DAB1: variants seen among roughly 807,000 people sequenced by gnomAD.
DAB1 encodes DAB adaptor protein 1, also known as disabled homolog 1.
In DAB1, 15 loss-of-function variants were observed where a neutral mutation model predicts 64.6. The observed-to-expected ratio is 0.23, with a 90% CI of 0.16 to 0.36. The LOEUF is 0.36. DAB1 is among the 10% of genes least tolerant of loss of function. The pLI, the probability that DAB1 is intolerant of heterozygous loss-of-function variation, is 1.00. For synonymous variants in DAB1, 235 were observed against 251.9 expected (o/e 0.93, Z 0.64); for missense variants, 596 against 706.7 (o/e 0.84, Z 1.78).
At chr1:57,913,884 A>G (rs1644686322) in intron 5 of DAB1, among the ~76,000 whole-genome samples, 1 of 152,184 alleles carries the variant, frequency 6.6e-6, no homozygotes, top group African/African-American at 2.4e-5. Flanking sequence ...GCAAATCAAA[A>G]CCACATTGAG....
intron 1 of DAB1, among the ~76,000 whole-genome samples, chr1:57,311,606 T>C (rs1674713898): frequency 6.6e-6 from 1 of 152,080 alleles, no homozygotes; most frequent in Admixed American, 6.6e-5. Flanking sequence ...GGAGCATGTG[T>C]TTATGGCCCT....
chr1:58,444,668 A>AT (rs34284219), intron 3 of DAB1, among the ~76,000 whole-genome samples: 2 of 152,222 alleles, frequency 1.3e-5, no homozygotes, highest in Non-Finnish European at 2.9e-5. Flanking sequence ...TTGCACTCAC[A>AT]TTTCATTGGT....
At chr1:58,238,150 T>C (rs1276361092) in intron 4 of DAB1, among the ~76,000 whole-genome samples, 1 of 152,124 alleles carries the variant, frequency 6.6e-6, no homozygotes, top group Admixed American at 6.5e-5. Context: ...TAAACCATGC[T>C]CTCAGGAAGC....
intron 2 of DAB1, among the ~76,000 whole-genome samples, chr1:57,224,762 G>T (rs1388664422): frequency 6.6e-6 from 1 of 152,202 alleles, no homozygotes; most frequent in African/African-American, 2.4e-5. Flanking sequence ...GAGTGTCTTT[G>T]TTACGCTAAT....
intron 2 of DAB1, among the ~76,000 whole-genome samples, chr1:57,269,023 G>C (rs1670789960): frequency 6.6e-6 from 1 of 152,104 alleles, no homozygotes; most frequent in Non-Finnish European, 1.5e-5. Flanking sequence ...GGTGGCTGGG[G>C]CTGTGGTGGA....
chr1:57,716,243 C>G (rs533144123), intron 6 of DAB1, among the ~76,000 whole-genome samples: 6 of 152,186 alleles, frequency 3.9e-5, no homozygotes, highest in African/African-American at 1.4e-4. Flanking sequence ...ATAAAAAGAA[C>G]CTTAAAATTC....
intron 2 of DAB1, among the ~76,000 whole-genome samples, chr1:57,224,275 G>C (rs1045167569): frequency 6.6e-6 from 1 of 152,084 alleles, no homozygotes; most frequent in East Asian, 1.9e-4. Context: ...GCCATGATTT[G>C]AGCCCTTAAT....
At chr1:57,795,861 G>T (rs58810049) in intron 6 of DAB1, among the ~76,000 whole-genome samples, 120 of 151,104 alleles carry the variant, frequency 7.9e-4, no homozygotes, top group African/African-American at 2.8e-3. Context: ...TTAGCCCTCA[G>T]TTTTTTAGTC....
chr1:58,372,942 T>G (rs1412479538), intron 3 of DAB1, among the ~76,000 whole-genome samples: 1 of 151,988 alleles, frequency 6.6e-6, no homozygotes, highest in East Asian at 1.9e-4. Flanking sequence ...TTGGGTAGCA[T>G]CTCTATAGCA....
intron 9 of DAB1, among the ~76,000 whole-genome samples, chr1:57,048,083 A>G (rs74077326): frequency 0.054 from 8,167 of 152,298 alleles, 267 homozygotes; most frequent in African/African-American, 0.093. Flanking sequence ...TAAGGTAGTT[A>G]CCACAGTCAT....
chr1:57,972,787 A>G lies in DAB1; in HGVS notation n.388-88625T>C, dbSNP rs866205303. Among the ~76,000 whole-genome samples, 95 of 152,326 alleles carry G rather than the reference A, an allele frequency of 6.2e-4. 1 individual carries two copies. The highest frequency in any genetic ancestry group is 3.9e-3 in the Admixed American group (60 of 15,286). On this transcript the variant is annotated intron_variant and non_coding_transcript_variant, in intron 5 of 20. Transcript: ENST00000485760. ...ATCTCTTGATATAAGGACATAGGAA[A>G]GGTGTTCTTTGTGTGGGCCACACAG...
chr1:58,528,948 A>T (rs1318877572), intron 1 of DAB1, among the ~76,000 whole-genome samples: 1 of 152,216 alleles, frequency 6.6e-6, no homozygotes, highest in Non-Finnish European at 1.5e-5. Flanking sequence ...TCAAGAAAGA[A>T]ATAGATAAAT....
intron 4 of DAB1, among the ~76,000 whole-genome samples, chr1:58,327,650 G>C (rs1662865553): frequency 6.6e-6 from 1 of 152,090 alleles, no homozygotes; most frequent in African/African-American, 2.4e-5. Flanking sequence ...GGCTTCTCAG[G>C]GAAGTGACAT....
chr1:57,119,164 T>C (rs1656415058), intron 4 of DAB1, among the ~76,000 whole-genome samples: 4 of 152,174 alleles, frequency 2.6e-5, no homozygotes, highest in Admixed American at 2.0e-4. Flanking sequence ...ACAGGGCAGT[T>C]CCCTCCCTGA....
intron 5 of DAB1, among the ~76,000 whole-genome samples, chr1:58,045,687 G>C (rs7520909): frequency 2.0e-5 from 3 of 152,092 alleles, no homozygotes; most frequent in African/African-American, 7.2e-5. Flanking sequence ...TGCTGAAAGA[G>C]GTAGAAATCC....
At chr1:57,121,554 AAAAAAG>A (rs573399402) in intron 4 of DAB1, among the ~76,000 whole-genome samples, 5 of 151,774 alleles carry the variant, frequency 3.3e-5, no homozygotes, top group African/African-American at 9.7e-5. Flanking sequence ...TCACTGAATG[AAAAAAG>A]AAAAAGAAAA....
chr1:58,220,184 T>G, intron 4 of DAB1, among the ~76,000 whole-genome samples: 1 of 152,226 alleles, frequency 6.6e-6, no homozygotes, highest in East Asian at 1.9e-4. Flanking sequence ...CAAAAGATGG[T>G]TGAAAATTTT....
At chr1:57,513,842 T>C (rs984577066) in intron 7 of DAB1, among the ~76,000 whole-genome samples, 1 of 152,164 alleles carries the variant, frequency 6.6e-6, no homozygotes, top group South Asian at 2.1e-4. Flanking sequence ...TCTCCAACAC[T>C]CTCTTCCCAG....
At chr1:57,104,306 C>T (rs1203850364) in intron 4 of DAB1, among the ~76,000 whole-genome samples, 1 of 151,822 alleles carries the variant, frequency 6.6e-6, no homozygotes, top group Non-Finnish European at 1.5e-5. Flanking sequence ...CCAAAGCAGG[C>T]ACTGTAGGAC....
Sources: gnomAD v4.1 joint callset for allele counts (sites outside exome capture counted in the v4.1 genomes callset) on GRCh38, gnomAD v4.1.1 for gene constraint, MANE v1.5 for transcripts, NCBI Gene and HGNC (gene_info 2026-07-23, HGNC 2026-07-21) for gene names.